Variants in ACP6 observed in about 807,000 individuals in gnomAD.
The protein encoded by ACP6 is acid phosphatase 6, lysophosphatidic.
Under a neutral mutation model 48.1 loss-of-function variants are expected in ACP6, and 48 were observed. The ratio of observed to expected loss-of-function variants is 1.00; its 90% CI spans 0.79 to 1.27. ACP6 has a LOEUF of 1.27. Among genes scored for constraint, ACP6 ranks in the 50% most tolerant of loss-of-function variants. The pLI, the probability that ACP6 is intolerant of heterozygous loss-of-function variation, is 0.00. For missense variants in ACP6, 485 were observed against 529.1 expected (o/e 0.92, Z 0.82); for synonymous variants, 172 against 204.2 (o/e 0.84, Z 1.34).
At chr1:147,662,999 T>G (rs1557892105) in intron 1 of ACP6, among the ~76,000 whole-genome samples, 2 of 152,338 alleles carry the variant, frequency 1.3e-5, no homozygotes. Flanking sequence ...AGATCATGAC[T>G]CACTGAAGGC....
In ACP6 at chr1:147,648,258, A is replaced by G. The variant is rs1659731259; in HGVS notation, c.1131T>C (p.Tyr377=). The change falls in exon 9 of 10, where the codon TAT becomes TAC. Residue 377 remains tyrosine, a synonymous_variant. Coordinates refer to ENST00000583509, the MANE Select transcript of ACP6 (RefSeq NM_016361.5). ...TCAGGGGTATTACCTTCCCGTGGTAATAGAGCTGCACAAACCACTCCTTAG... is the reference window on the plus strand; with the variant it reads ...TCAGGGGTATTACCTTCCCGTGGTAGTAGAGCTGCACAAACCACTCCTTAG... The part of the protein sequence containing the change: ...LESKEWFVQL[Y]YHGKEQVPRG... 6.2e-7 allele frequency: 1 copy of G among 1,614,160 alleles called. No individual in the cohort carries two copies. Among genetic ancestry groups the G allele is most frequent in the Non-Finnish European group, 8.5e-7 (1 of 1,180,020 alleles).
rs368669673 is a variant in ACP6, at chr1:147,658,956, G to A, written c.559+4C>T. The A allele has an allele frequency of 1.7e-5, 28 of 1,609,664 alleles. No individual in the cohort carries two copies. The highest frequency in any genetic ancestry group is 1.1e-4 in the African/African-American group (8 of 74,676). Reference sequence around the variant, plus strand: ...AGGGACTGACTGGGACCCCAAATACGAACCTTCTTTCTGACACTGGAAAAG... The same window carrying A: ...AGGGACTGACTGGGACCCCAAATACAAACCTTCTTTCTGACACTGGAAAAG... On this transcript the variant is annotated splice_donor_region_variant and intron_variant, in intron 4 of 9. Coordinates refer to ENST00000583509, the MANE Select transcript of ACP6 (RefSeq NM_016361.5).
intron 7 of ACP6, chr1:147,650,489 G>C: frequency 2.6e-6 from 1 of 380,798 alleles, no homozygotes; most frequent in East Asian, 4.3e-5. Flanking sequence ...TGAGATGGGA[G>C]GGGCTGAGGG....
chr1:147,666,997 C>T (rs587636579), intron 1 of ACP6, among the ~76,000 whole-genome samples: 372 of 152,174 alleles, frequency 2.4e-3, no homozygotes, highest in Middle Eastern at 0.02. Flanking sequence ...TGAGGAATCT[C>T]CCTGGGTGGA....
chr1:147,659,211 T>A, intron 3 of ACP6, 172 bp from the exon 4 acceptor site: 1 of 1,033,082 alleles, frequency 9.7e-7, no homozygotes, highest in Non-Finnish European at 1.4e-6. Flanking sequence ...AGACTCGAAG[T>A]GCAATGAATG....
chr1:147,659,104 A>G (rs1553212217), intron 3 of ACP6, 65 bp from the exon 4 acceptor site: 1 of 1,418,492 alleles, frequency 7.0e-7, no homozygotes, highest in Non-Finnish European at 9.8e-7. Context: ...ACTCTATTTT[A>G]TTCCACATAC....
intron 1 of ACP6, among the ~76,000 whole-genome samples, chr1:147,661,777 C>T (rs778534156): frequency 6.6e-6 from 1 of 152,150 alleles, no homozygotes; most frequent in East Asian, 1.9e-4. Context: ...GGTGAACACA[C>T]AAACAATGAG....
At chr1:147,650,799 G>A (rs1659881635) in intron 7 of ACP6, 2 of 152,212 alleles carry the variant, frequency 1.3e-5, no homozygotes, top group Admixed American at 1.3e-4. Flanking sequence ...TTCATTCTCA[G>A]GCCTGTCACA....
chr1:147,647,724 A>G, intron 9 of ACP6, 158 bp from the exon 10 acceptor site: 2 of 932,812 alleles, frequency 2.1e-6, no homozygotes, highest in East Asian at 2.7e-5. Context: ...CTTCCAGAAT[A>G]AAAGCACTAT....
intron 5 of ACP6, among the ~76,000 whole-genome samples, chr1:147,631,992 C>G (rs908042329): frequency 1.3e-5 from 2 of 152,078 alleles, no homozygotes; most frequent in Admixed American, 1.3e-4. Context: ...GTGCTCCAGC[C>G]GAACCATGCT....
rs12045199 is a variant in ACP6, at chr1:147,646,668, C to T, written c.*755G>A. The T allele has an allele frequency of 0.099, 15,004 of 152,202 alleles. 1,035 individuals are homozygous for T. Among genetic ancestry groups the T allele is most frequent in the East Asian group, 0.33 (1,730 of 5,168 alleles). 9.4% of individuals were successfully genotyped at this position (152,202 alleles called of 1,614,324 possible). ...GCCTTACCATTGCAGAGCCCTGGGGCCCACATTTGTTTCTGGAACTAAAAC... is the reference window on the plus strand; with the variant it reads ...GCCTTACCATTGCAGAGCCCTGGGGTCCACATTTGTTTCTGGAACTAAAAC... On this transcript the variant is annotated 3_prime_UTR_variant, in exon 10 of 10. Transcript: ENST00000583509.
chr1:147,638,908 G>A (rs1442513032), downstream of ACP6, among the ~76,000 whole-genome samples: 2 of 152,170 alleles, frequency 1.3e-5, no homozygotes, highest in African/African-American at 4.8e-5. Context: ...CCAGGCTAGA[G>A]TGCAGTGGCA....
At chr1:147,655,021 T>C in intron 5 of ACP6, 140 bp downstream of exon 5, 2 of 646,452 alleles carry the variant, frequency 3.1e-6, no homozygotes, top group South Asian at 3.6e-5. Context: ...GATGTCACAC[T>C]TAAGTGTAAT....
chr1:147,654,064 T>G, intron 6 of ACP6, 130 bp downstream of exon 6: 2 of 1,453,066 alleles, frequency 1.4e-6, no homozygotes, highest in Non-Finnish European at 1.8e-6. Context: ...CCCACACCCA[T>G]TCTATCTGTA....
At chr1:147,638,588 G>A (rs1354453503), downstream of ACP6, among the ~76,000 whole-genome samples, 1 of 152,152 alleles carries the variant, frequency 6.6e-6, no homozygotes, top group Non-Finnish European at 1.5e-5. Flanking sequence ...GGAGTGTGGT[G>A]GAGGATGAGG....
chr1:147,648,693 G>T (rs184725851), intron 8 of ACP6, among the ~76,000 whole-genome samples: 5 of 152,128 alleles, frequency 3.3e-5, no homozygotes, highest in African/African-American at 1.2e-4. Flanking sequence ...GAAACTGAGC[G>T]TGTGTGGCTT....
intron 1 of ACP6, among the ~76,000 whole-genome samples, chr1:147,669,360 T>C (rs587733407): frequency 5.3e-5 from 8 of 152,330 alleles, no homozygotes; most frequent in Non-Finnish European, 1.0e-4. Context: ...CAACGACCTC[T>C]TATCCACTGT....
intron 1 of ACP6, among the ~76,000 whole-genome samples, chr1:147,661,115 C>A (rs1234434527): frequency 6.6e-6 from 1 of 152,118 alleles, no homozygotes; most frequent in Non-Finnish European, 1.5e-5. Flanking sequence ...TTAAATCTGT[C>A]AAGGTGATCT....
At position 147,648,421 on chromosome 1, in the gene ACP6, G is replaced by A. The variant is rs1659745069; in HGVS notation, c.978-10C>T. ...ATAGAGATACAGCTTTCTGCAAGAGGAAACAGCTCTCCACAATTCTCTGCC... is the reference window on the plus strand; with the variant it reads ...ATAGAGATACAGCTTTCTGCAAGAGAAAACAGCTCTCCACAATTCTCTGCC... On this transcript the variant is annotated splice_polypyrimidine_tract_variant and intron_variant, in intron 8 of 9. Coordinates refer to ENST00000583509, the MANE Select transcript of ACP6 (RefSeq NM_016361.5). The A allele has an allele frequency of 2.5e-6, 4 of 1,613,870 alleles. No homozygotes were observed. The Admixed American group carries it at 6.7e-5, about 27-fold the overall frequency.
Sources: gnomAD v4.1 joint callset for allele counts (sites outside exome capture counted in the v4.1 genomes callset) on GRCh38, gnomAD v4.1.1 for gene constraint, MANE v1.5 for transcripts, NCBI Gene and HGNC (gene_info 2026-07-23, HGNC 2026-07-21) for gene names.